The following USH2A variants were observed in gnomAD, a reference collection of about 807,000 sequenced individuals.
The protein encoded by USH2A is usherin, also known as Usher syndrome 2A (autosomal recessive, mild).
USH2A carries 443 observed loss-of-function variants against 538.9 expected under a neutral mutation model. The observed-to-expected ratio is 0.82, with a 90% CI of 0.76 to 0.89. The LOEUF is 0.89. USH2A is among the 40% of genes least tolerant of loss of function. USH2A has a pLI of 0.00. For synonymous variants in USH2A, 2,413 were observed against 2,273.5 expected (o/e 1.06, Z -1.75); for missense variants, 6,633 against 6,324.8 (o/e 1.05, Z -1.65).
chr1:215,811,960 C>T (rs956383424), intron 49 of USH2A, among the ~76,000 whole-genome samples: 90 of 147,010 alleles, frequency 6.1e-4, no homozygotes, highest in Non-Finnish European at 1.1e-3. Context: ...AAACAAAAAA[C>T]CAACCAAAAA....
chr1:215,881,855 T>C (rs946342296), intron 41 of USH2A, among the ~76,000 whole-genome samples: 2 of 152,144 alleles, frequency 1.3e-5, no homozygotes, highest in Non-Finnish European at 2.9e-5. Context: ...CTTCAGAAAA[T>C]AGGACGGCTA....
intron 40 of USH2A, among the ~76,000 whole-genome samples, chr1:215,892,567 C>T (rs115591850): frequency 0.027 from 4,063 of 152,010 alleles, 66 homozygotes; most frequent in Middle Eastern, 0.051. Context: ...ATTCTTTTAT[C>T]GATTTATTAT....
intron 11 of USH2A, among the ~76,000 whole-genome samples, chr1:216,252,940 T>C (rs534362069): frequency 6.6e-6 from 1 of 152,284 alleles, no homozygotes; most frequent in South Asian, 2.1e-4. Flanking sequence ...AACTCAGGCC[T>C]GAGTCTTTGC....
intron 47 of USH2A, among the ~76,000 whole-genome samples, chr1:215,829,894 T>C (rs1367145736): frequency 1.3e-5 from 2 of 152,132 alleles, no homozygotes; most frequent in Admixed American, 6.6e-5. Flanking sequence ...GCCAAAGGCA[T>C]TGGAAGAAAG....
chr1:216,210,856 C>T (rs976818699), intron 15 of USH2A, among the ~76,000 whole-genome samples: 40 of 152,070 alleles, frequency 2.6e-4, no homozygotes, highest in African/African-American at 9.7e-4. Flanking sequence ...TGGCACACAC[C>T]TGTAATCCCA....
intron 47 of USH2A, among the ~76,000 whole-genome samples, chr1:215,835,516 CA>C (rs1230707755): frequency 1.3e-5 from 2 of 152,048 alleles, no homozygotes; most frequent in South Asian, 4.1e-4. Context: ...TCAGTTTCTC[CA>C]GAGAATAAAT....
chr1:216,207,235 C>A, intron 16 of USH2A, 38 bp downstream of exon 16: 1 of 1,611,860 alleles, frequency 6.2e-7, no homozygotes, highest in Non-Finnish European at 8.5e-7. Flanking sequence ...TGTCAATTCT[C>A]AGAATATTTA....
At position 215,817,107 on chromosome 1, in the gene USH2A, C is replaced by A. The variant is rs150266899; in HGVS notation, c.9460G>T (p.Ala3154Ser). 1 of 1,612,788 alleles carries A rather than the reference C, an allele frequency of 6.2e-7. No homozygotes were observed. Among genetic ancestry groups the A allele is most frequent in the Non-Finnish European group, 8.5e-7 (1 of 1,179,072 alleles). Residue 3154 changes from alanine (A) to serine (S), a missense_variant, in exon 48 of 72, where the codon GCT becomes TCT. By Grantham distance (99) the Ala-to-Ser change is moderately conservative (BLOSUM62 1). Transcript: ENST00000307340. ...TCCTGCACTAACTTTTGAGTTTTAG[C>A]GCATGGATACCATGTTTTCCATAGG... is the stretch of plus-strand genomic sequence containing the variant. ...DLLWKTWYPC[A>S]KTQKLVQDQS...
intron 24 of USH2A, among the ~76,000 whole-genome samples, chr1:216,085,731 T>A (rs2032109736): frequency 6.6e-6 from 1 of 151,630 alleles, no homozygotes; most frequent in Non-Finnish European, 1.5e-5. Context: ...TGTGTGTGTG[T>A]GTGTGTGTGT....
At chr1:215,894,240 T>C (rs925435001) in intron 40 of USH2A, among the ~76,000 whole-genome samples, 2 of 152,220 alleles carry the variant, frequency 1.3e-5, no homozygotes, top group African/African-American at 2.4e-5. Context: ...CATATAAATA[T>C]GTTCCACTCT....
At chr1:216,038,262 C>G (rs1368159490) in intron 32 of USH2A, among the ~76,000 whole-genome samples, 4 of 151,940 alleles carry the variant, frequency 2.6e-5, no homozygotes, top group African/African-American at 9.7e-5. Flanking sequence ...CACTATTCTT[C>G]TATGCAAGCT....
At chr1:215,876,814 A>G (rs1664785887) in intron 43 of USH2A, among the ~76,000 whole-genome samples, 1 of 152,154 alleles carries the variant, frequency 6.6e-6, no homozygotes, top group Non-Finnish European at 1.5e-5. Flanking sequence ...AAAAGCTGAA[A>G]GAGCAAGTGT....
chr1:216,188,831 G>A (rs1027929458), intron 20 of USH2A, among the ~76,000 whole-genome samples: 2 of 151,798 alleles, frequency 1.3e-5, no homozygotes, highest in South Asian at 2.1e-4. Flanking sequence ...GCATGGCCAC[G>A]TGCTTGGGAT....
chr1:216,037,139 G>T (rs1031623487), intron 32 of USH2A, among the ~76,000 whole-genome samples: 6 of 151,932 alleles, frequency 3.9e-5, no homozygotes, highest in Non-Finnish European at 8.8e-5. Flanking sequence ...ATTTTTTTAA[G>T]ATTAGGAAAC....
At chr1:216,303,106 T>C (rs927835139) in intron 9 of USH2A, among the ~76,000 whole-genome samples, 8 of 151,996 alleles carry the variant, frequency 5.3e-5, no homozygotes, top group Non-Finnish European at 1.2e-4. Flanking sequence ...CTCTTATTTA[T>C]GGATTGTTCA....
chr1:215,848,471 C>T (rs1165093985), intron 44 of USH2A, among the ~76,000 whole-genome samples: 1 of 152,186 alleles, frequency 6.6e-6, no homozygotes, highest in Non-Finnish European at 1.5e-5. Flanking sequence ...TTTCCACTAG[C>T]ACAAGTTCAA....
intron 69 of USH2A, 135 bp downstream of exon 69, chr1:215,639,020 G>A: frequency 4.7e-6 from 4 of 842,714 alleles, no homozygotes; most frequent in East Asian, 5.2e-5. Context: ...AAAAAACTCT[G>A]ACAACACTTG....
chr1:215,874,172 C>T (rs754937282), intron 43 of USH2A, among the ~76,000 whole-genome samples: 4 of 152,140 alleles, frequency 2.6e-5, no homozygotes, highest in African/African-American at 9.7e-5. Context: ...GATAACAGCA[C>T]GTTCGCCAGA....
Position 215,844,346 on chromosome 1 carries a change from G to T in USH2A, c.9206C>A (p.Pro3069His). The change falls in exon 46 of 72, where the codon CCT becomes CAT. Residue 3069 changes from proline to histidine, a missense_variant. Transcript: ENST00000307340. The stretch of plus-strand genomic sequence containing the variant: ...CAGGTCTCTCAGAATAAACGACCCA[G>T]GCACATTCATTCCAGTCTTGTAGAG... ...NKLYKTGMNV[P>H]GSFILRDLSP... is the part of the protein sequence containing the mutation. 6.2e-7 allele frequency: 1 copy of T among 1,613,750 alleles called. No individual in the cohort carries two copies. The highest frequency in any genetic ancestry group is 8.5e-7 in the Non-Finnish European group (1 of 1,179,828).
Sources: gnomAD v4.1 joint callset for allele counts (sites outside exome capture counted in the v4.1 genomes callset) on GRCh38, gnomAD v4.1.1 for gene constraint, MANE v1.5 for transcripts, NCBI Gene and HGNC (gene_info 2026-07-23, HGNC 2026-07-21) for gene names.